Variants in BEND2 observed in about 807,000 individuals in gnomAD.
BEND2 encodes the protein BEN domain-containing protein 2.
In BEND2, 19 loss-of-function variants were observed where a neutral mutation model predicts 43.8. The observed-to-expected ratio is 0.43, with a 90% CI of 0.30 to 0.64. The LOEUF is 0.64. Among genes scored for constraint, BEND2 ranks in the 30% least tolerant of loss-of-function variants. The pLI is 0.11. For missense variants in BEND2, 544 were observed against 574.0 expected (o/e 0.95, Z 0.53); for synonymous variants, 226 against 210.1 (o/e 1.08, Z -0.66).
chrX:18,219,206 G>A (rs1427538466), intron 1 of BEND2, among the ~76,000 whole-genome samples: 2 of 112,264 alleles, frequency 1.8e-5, no homozygotes, highest in Non-Finnish European at 3.8e-5. Context: ...CCCACGCCTC[G>A]CTTTAGAAAG....
At chrX:18,204,400 TA>T (rs2147426269) in intron 4 of BEND2, among the ~76,000 whole-genome samples, 1 of 112,126 alleles carries the variant, frequency 8.9e-6, no homozygotes, top group East Asian at 2.8e-4. Context: ...ATCAAAGTTG[TA>T]AAAATGTTTT....
intron 1 of BEND2, among the ~76,000 whole-genome samples, chrX:18,219,345 C>T (rs1476051358): frequency 5.3e-5 from 6 of 112,959 alleles, no homozygotes; most frequent in Non-Finnish European, 1.1e-4. Flanking sequence ...TTAACGACCA[C>T]GCGGCAAGGG....
rs998538102 is a variant in BEND2 at position 18,163,034 on chromosome X, G to A, written c.*1975C>T. 1.8e-5 allele frequency: 2 copies of A among 112,271 alleles called. No individual in the cohort carries two copies. Among genetic ancestry groups the A allele is most frequent in the Non-Finnish European group, 3.8e-5 (2 of 53,235 alleles). The allele number at this position is 112,271 out of a possible 1,213,427, so 9.3% of individuals were successfully genotyped here. A position where few individuals can be genotyped will look rare whatever the true frequency, so the allele number is the denominator to read the frequency against. Reference sequence around the variant, plus strand: ...AGTCTTATGAGCAGGCATTTAAAATGTTTAACATTGGACTAATACAGTAAT... The same window carrying A: ...AGTCTTATGAGCAGGCATTTAAAATATTTAACATTGGACTAATACAGTAAT... On this transcript the variant is annotated 3_prime_UTR_variant, in exon 14 of 14. Transcript: ENST00000380033.
chrX:18,170,115 T>G (rs1923930911), intron 13 of BEND2, among the ~76,000 whole-genome samples: 1 of 111,872 alleles, frequency 8.9e-6, no homozygotes, highest in Non-Finnish European at 1.9e-5. Context: ...AGTTGCAAGT[T>G]GTAACCAATT....
chrX:18,218,015 A>G (rs770658317), intron 1 of BEND2, among the ~76,000 whole-genome samples: 2 of 109,533 alleles, frequency 1.8e-5, no homozygotes, highest in African/African-American at 6.6e-5. Flanking sequence ...CTGAGGTAGG[A>G]TGGCTTGCAC....
intron 4 of BEND2, among the ~76,000 whole-genome samples, chrX:18,207,600 T>C (rs760746200): frequency 8.9e-6 from 1 of 112,394 alleles, no homozygotes; most frequent in Non-Finnish European, 1.9e-5. Flanking sequence ...AAAAAGGGGC[T>C]ATAGAAATTA....
chrX:18,216,114 G>A (rs956035402), intron 2 of BEND2, among the ~76,000 whole-genome samples: 1 of 111,264 alleles, frequency 9.0e-6, no homozygotes, highest in African/African-American at 3.3e-5. Context: ...TGACTTCCAG[G>A]AGATTTTTGT....
chrX:18,217,629 T>A (rs891371442), intron 1 of BEND2, among the ~76,000 whole-genome samples: 7 of 111,364 alleles, frequency 6.3e-5, no homozygotes, highest in Non-Finnish European at 1.3e-4. Context: ...AAAGTGGGGT[T>A]TTTTTAAGAG....
intron 1 of BEND2, among the ~76,000 whole-genome samples, chrX:18,217,239 T>C (rs1000643124): frequency 8.0e-5 from 9 of 112,833 alleles, no homozygotes; most frequent in African/African-American, 2.6e-4. Context: ...AAATAGGTAA[T>C]GACAAATATA....
chrX:18,196,803 G>A (rs1924968780), intron 6 of BEND2, among the ~76,000 whole-genome samples: 1 of 111,032 alleles, frequency 9.0e-6, no homozygotes, highest in South Asian at 3.9e-4. Context: ...AACAGTCAAT[G>A]GGGAAGAAAA....
At chrX:18,167,067 AC>A (rs1037087976) in intron 13 of BEND2, among the ~76,000 whole-genome samples, 9 of 109,797 alleles carry the variant, frequency 8.2e-5, no homozygotes, top group African/African-American at 3.0e-4. Flanking sequence ...AATCGCTTGA[AC>A]CCAAGAGTTT....
At chrX:18,199,469 TACAC>T in intron 6 of BEND2, among the ~76,000 whole-genome samples, 2 of 111,819 alleles carry the variant, frequency 1.8e-5, no homozygotes, top group East Asian at 5.7e-4. Context: ...TAGAACTAAA[TACAC>T]ACACAGAGAT....
At chrX:18,179,222 G>A (rs895270560) in intron 9 of BEND2, among the ~76,000 whole-genome samples, 22 of 80,356 alleles carry the variant, frequency 2.7e-4, no homozygotes, top group Non-Finnish European at 1.1e-4. Flanking sequence ...ATAGTGGCAT[G>A]ATCATGGCTC....
chrX:18,172,810 CAATT>C, intron 12 of BEND2, among the ~76,000 whole-genome samples: 2 of 110,737 alleles, frequency 1.8e-5, no homozygotes, highest in Admixed American at 1.9e-4. Context: ...AAGTGGGAGG[CAATT>C]AAATAAATTG....
intron 4 of BEND2, among the ~76,000 whole-genome samples, chrX:18,210,629 T>C (rs1925474865): frequency 8.9e-6 from 1 of 112,401 alleles, no homozygotes; most frequent in Non-Finnish European, 1.9e-5. Context: ...TTTCTAACCA[T>C]GAACAAAGAA....
intron 8 of BEND2, among the ~76,000 whole-genome samples, 161 bp downstream of exon 8, chrX:18,190,840 G>C (rs1025081890): frequency 9.2e-6 from 1 of 108,940 alleles, no homozygotes; most frequent in African/African-American, 3.3e-5. Flanking sequence ...GAGTAGATCT[G>C]GTGATTGCAT....
intron 8 of BEND2, among the ~76,000 whole-genome samples, chrX:18,189,378 T>C (rs1391216311): frequency 4.5e-5 from 5 of 110,480 alleles, no homozygotes; most frequent in Non-Finnish European, 7.6e-5. Flanking sequence ...GGCATGGTTG[T>C]CCATCCCTGT....
intron 11 of BEND2, 69 bp from the exon 12 acceptor site, chrX:18,174,327 C>G: frequency 1.0e-6 from 1 of 971,386 alleles, no homozygotes; most frequent in Non-Finnish European, 1.4e-6. Flanking sequence ...TGCTCTACCA[C>G]CTACCAGGCC....
At position 18,194,972 on chromosome X, in the gene BEND2, A is replaced by AACACACACAC. The variant is rs201244726; in HGVS notation, c.1180+314_1180+323dup. The stretch of plus-strand genomic sequence containing the variant: ...TGTGGAATAAAGCTGCATAGTACTA[A>AACACACACAC]ACACACACACACACACACACACACA... On this transcript the variant is annotated intron_variant, in intron 7 of 13. Coordinates refer to ENST00000380033, the MANE Select transcript of BEND2 (RefSeq NM_153346.5). Among the ~76,000 whole-genome samples the AACACACACAC allele has an allele frequency of 5.7e-3, 569 of 99,311 alleles. 5 individuals are homozygous for AACACACACAC. The highest frequency in any genetic ancestry group is 0.02 in the African/African-American group (544 of 27,046). 86.2% of individuals were successfully genotyped at this position (99,311 alleles called of 115,157 possible).
Sources: gnomAD v4.1 joint callset for allele counts (sites outside exome capture counted in the v4.1 genomes callset) on GRCh38, gnomAD v4.1.1 for gene constraint, MANE v1.5 for transcripts, NCBI Gene and HGNC (gene_info 2026-07-23, HGNC 2026-07-21) for gene names.